WDFY1: variants seen among roughly 807,000 people sequenced by gnomAD.
The protein encoded by WDFY1 is WD repeat and FYVE domain-containing protein 1.
In WDFY1, 32 loss-of-function variants were observed where a neutral mutation model predicts 56.4. The ratio of observed to expected loss-of-function variants is 0.57; its 90% CI spans 0.43 to 0.76. The LOEUF (loss-of-function observed/expected upper bound fraction) is 0.76, where lower values mean the gene tolerates loss of function less well. Among genes scored for constraint, WDFY1 ranks in the 30% least tolerant of loss-of-function variants. The probability of loss-of-function intolerance (pLI) is 0.00; values close to 1 mark genes in which losing one functional copy is unlikely to be tolerated. For missense variants in WDFY1, 480 were observed against 545.7 expected (o/e 0.88, Z 1.20); for synonymous variants, 192 against 197.3 (o/e 0.97, Z 0.23).
chr2:223,914,529 A>G (rs149270766), intron 2 of WDFY1, among the ~76,000 whole-genome samples: 155 of 152,346 alleles, frequency 1.0e-3, no homozygotes, highest in Middle Eastern at 6.8e-3. Context: ...CTTGCATGAT[A>G]GGAAGGCAGA....
rs1307976512 is a variant in WDFY1, at chr2:223,875,376, C to T, written c.*3295G>A. ...CAAGCAAGGAATGTTTTATTGTGTA[C>T]ATTTTCTCAAAAAAAAAAACCCACA... On this transcript the variant is annotated 3_prime_UTR_variant, in exon 12 of 12. Transcript: ENST00000233055. The T allele has an allele frequency of 1.6e-5, 1 of 60,866 alleles. No homozygotes were observed. The highest frequency in any genetic ancestry group is 3.9e-5 in the Non-Finnish European group (1 of 25,712). The allele number at this position is 60,866 out of a possible 1,614,324, so 3.8% of individuals were successfully genotyped here.
intron 1 of WDFY1, among the ~76,000 whole-genome samples, chr2:223,927,862 G>A (rs1438876898): frequency 6.6e-6 from 1 of 152,100 alleles, no homozygotes; most frequent in Non-Finnish European, 1.5e-5. Context: ...GGCTATTGTA[G>A]GGTTATTCAC....
At chr2:223,915,964 T>C (rs1234625497) in intron 2 of WDFY1, among the ~76,000 whole-genome samples, 1 of 152,196 alleles carries the variant, frequency 6.6e-6, no homozygotes, top group Non-Finnish European at 1.5e-5. Flanking sequence ...AGGTTACGCA[T>C]CCACAGTACA....
Position 223,875,988 on chromosome 2 carries a change from G to T in WDFY1, c.*2683C>A, listed in dbSNP as rs666438. Reference sequence around the variant, plus strand: ...CAAAGTAATACATTCTAGAGCAATAGTATTTCTTTATATCCTTTAGGTAGC... The same window carrying T: ...CAAAGTAATACATTCTAGAGCAATATTATTTCTTTATATCCTTTAGGTAGC... On this transcript the variant is annotated 3_prime_UTR_variant, in exon 12 of 12. Coordinates refer to ENST00000233055, the MANE Select transcript of WDFY1 (RefSeq NM_020830.5). The T allele has an allele frequency of 6.6e-6, 1 of 151,964 alleles. No individual in the cohort carries two copies. The highest frequency in any genetic ancestry group is 1.5e-5 in the Non-Finnish European group (1 of 67,996). 9.4% of individuals were successfully genotyped at this position (151,964 alleles called of 1,614,324 possible). A position where few individuals can be genotyped will look rare whatever the true frequency, so the allele number is the denominator to read the frequency against.
At chr2:223,885,534 T>C (rs1030869501) in intron 8 of WDFY1, among the ~76,000 whole-genome samples, 5 of 152,144 alleles carry the variant, frequency 3.3e-5, no homozygotes, top group Non-Finnish European at 5.9e-5. Context: ...ATTTTAGCCA[T>C]GGTTACAGGG....
intron 5 of WDFY1, among the ~76,000 whole-genome samples, chr2:223,900,424 A>G (rs1693486471): frequency 6.6e-6 from 1 of 152,208 alleles, no homozygotes; most frequent in Non-Finnish European, 1.5e-5. Flanking sequence ...ACTCTGAGAG[A>G]GAAACTACTG....
chr2:223,913,321 G>A (rs540147276), intron 2 of WDFY1, among the ~76,000 whole-genome samples: 13 of 152,114 alleles, frequency 8.5e-5, no homozygotes, highest in African/African-American at 2.9e-4. Flanking sequence ...CCAAAGGAAG[G>A]AAGTAAACTA....
Position 223,877,935 on chromosome 2 carries a change from G to T in WDFY1, c.*736C>A, listed in dbSNP as rs1470168252. 6.6e-6 allele frequency: 1 copy of T among 152,520 alleles called. No individual in the cohort carries two copies. The highest frequency in any genetic ancestry group is 1.5e-5 in the Non-Finnish European group (1 of 68,020). The allele number at this position is 152,520 out of a possible 1,614,324, so 9.4% of individuals were successfully genotyped here. On this transcript the variant is annotated 3_prime_UTR_variant, in exon 12 of 12. Coordinates refer to ENST00000233055, the MANE Select transcript of WDFY1 (RefSeq NM_020830.5). ...CCCATGTTAACAGCACCATAAAAAA[G>T]TTTTGCCCTAGGAATTTGGGGGAAA...
chr2:223,905,999 T>C lies in WDFY1; in HGVS notation c.282A>G (p.Glu94=). ...TATTAAAATCTTCAGAAACGTGAAA[T>C]TCCTAAAAGCAAATGCACAAAATAA... The part of the protein sequence containing the change: ...FVGQDNGAVM[E]FHVSEDFNKM... Residue 94 remains glutamate (E), a splice_region_variant and synonymous_variant, in exon 4 of 12, where the codon GAA becomes GAG. Coordinates refer to ENST00000233055, the MANE Select transcript of WDFY1 (RefSeq NM_020830.5). The C allele has an allele frequency of 1.9e-6, 3 of 1,571,734 alleles. No homozygotes were observed. Among genetic ancestry groups the C allele is most frequent in the Non-Finnish European group, 2.6e-6 (3 of 1,161,638 alleles).
At chr2:223,895,138 T>A (rs1693342980) in intron 7 of WDFY1, among the ~76,000 whole-genome samples, 1 of 152,172 alleles carries the variant, frequency 6.6e-6, no homozygotes, top group African/African-American at 2.4e-5. Flanking sequence ...CAGCTTAGTA[T>A]CATGTTACAT....
At chr2:223,899,582 T>C (rs916865180) in intron 5 of WDFY1, among the ~76,000 whole-genome samples, 5 of 151,944 alleles carry the variant, frequency 3.3e-5, no homozygotes, top group Non-Finnish European at 7.4e-5. Flanking sequence ...CCGTCTCTAC[T>C]AAAAACACAA....
At chr2:223,940,826 T>C (rs191536517) in intron 1 of WDFY1, among the ~76,000 whole-genome samples, 116 of 151,132 alleles carry the variant, frequency 7.7e-4, no homozygotes, top group African/African-American at 2.8e-3. Context: ...TGGGTTTTTT[T>C]GTTTTTGTTT....
rs1209624553 is a variant in WDFY1, at chr2:223,940,728, C to T, written c.137+4420G>A. On this transcript the variant is annotated intron_variant, in intron 1 of 11. Transcript: ENST00000233055. ...CGTGATCTCAGCTCACTGCAACCTC[C>T]GCCTCCCAGGTTCAAGTGATTCTCC... Among the ~76,000 whole-genome samples, 4 of 151,834 alleles carry T rather than the reference C, an allele frequency of 2.6e-5. 1 individual carries two copies. Among genetic ancestry groups the T allele is most frequent in the Non-Finnish European group, 4.4e-5 (3 of 67,936 alleles).
chr2:223,908,988 A>G (rs1325984927), intron 3 of WDFY1, among the ~76,000 whole-genome samples: 1 of 152,116 alleles, frequency 6.6e-6, no homozygotes, highest in Non-Finnish European at 1.5e-5. Context: ...TGGGGTCCGG[A>G]GGCAGCCTCC....
At chr2:223,898,894 T>C (rs1693447976) in intron 6 of WDFY1, 64 bp downstream of exon 6, 1 of 1,215,454 alleles carries the variant, frequency 8.2e-7, no homozygotes, top group Non-Finnish European at 1.2e-6. Context: ...ATCCACATAG[T>C]AGAGAACTGA....
chr2:223,876,312 C>T lies in WDFY1; in HGVS notation c.*2359G>A, dbSNP rs1243643203. 2 of 152,560 alleles carry T rather than the reference C, an allele frequency of 1.3e-5. No homozygotes were observed. Among genetic ancestry groups the T allele is most frequent in the African/African-American group, 4.8e-5 (2 of 41,418 alleles). The allele number at this position is 152,560 out of a possible 1,614,324, so 9.5% of individuals were successfully genotyped here. A position where few individuals can be genotyped will look rare whatever the true frequency, so the allele number is the denominator to read the frequency against. The stretch of plus-strand genomic sequence containing the variant: ...TTAAATGATCCATTTAAGAGAAATG[C>T]AGTCAAAATAAGGCAATAACCATCA... On this transcript the variant is annotated 3_prime_UTR_variant, in exon 12 of 12. Transcript: ENST00000233055.
At chr2:223,916,848 C>T (rs2106091744) in intron 2 of WDFY1, among the ~76,000 whole-genome samples, 1 of 146,164 alleles carries the variant, frequency 6.8e-6, no homozygotes, top group Admixed American at 6.9e-5. Flanking sequence ...GAGTTTCGCT[C>T]TTGTTGCCCA....
intron 1 of WDFY1, among the ~76,000 whole-genome samples, chr2:223,937,764 A>G (rs1184604882): frequency 1.3e-5 from 2 of 152,166 alleles, no homozygotes; most frequent in Non-Finnish European, 2.9e-5. Context: ...CTGCCTTCTC[A>G]AGTCTTCAGT....
chr2:223,909,688 T>G (rs1156962775), intron 3 of WDFY1, among the ~76,000 whole-genome samples: 1 of 152,116 alleles, frequency 6.6e-6, no homozygotes, highest in Non-Finnish European at 1.5e-5. Context: ...AACCTGGCTG[T>G]CATCTGACTT....
Sources: allele counts gnomAD v4.1 joint callset (sites outside exome capture counted in the v4.1 genomes callset), GRCh38; gene constraint gnomAD v4.1.1; transcripts MANE v1.5; gene names NCBI Gene and HGNC (gene_info 2026-07-23, HGNC 2026-07-21).